The following EPB41L4A variants were observed in gnomAD, a reference collection of about 807,000 sequenced individuals.
EPB41L4A encodes erythrocyte membrane protein band 4.1 like 4A.
A neutral mutation model predicts 108.6 loss-of-function variants in EPB41L4A; 100 were observed. The ratio of observed to expected loss-of-function variants is 0.92; its 90% CI spans 0.78 to 1.09. EPB41L4A has a LOEUF of 1.09. Among genes scored for constraint, EPB41L4A ranks in the 50% least tolerant of loss-of-function variants. The probability of loss-of-function intolerance (pLI) is 0.00; values close to 1 mark genes in which losing one functional copy is unlikely to be tolerated. For synonymous variants in EPB41L4A, 319 were observed against 289.0 expected (o/e 1.10, Z -1.05); for missense variants, 1,030 against 842.7 (o/e 1.22, Z -2.75).
chr5:112,358,700 C>G (rs1288290487), intron 1 of EPB41L4A, among the ~76,000 whole-genome samples: 2 of 152,196 alleles, frequency 1.3e-5, no homozygotes, highest in Non-Finnish European at 2.9e-5. Context: ...AATTCCACTT[C>G]TAGGTATACA....
chr5:112,372,188 G>A (rs1169081379), intron 1 of EPB41L4A, among the ~76,000 whole-genome samples: 13 of 152,194 alleles, frequency 8.5e-5, no homozygotes, highest in Non-Finnish European at 1.5e-5. Context: ...GCATGGCTAG[G>A]AAGCCCTCAG....
At chr5:112,202,957 A>G (rs1762288151) in intron 15 of EPB41L4A, among the ~76,000 whole-genome samples, 1 of 151,848 alleles carries the variant, frequency 6.6e-6, no homozygotes. Context: ...AATCCCAGCA[A>G]TTTGGGAGAC....
chr5:112,247,239 C>T (rs1750305266), intron 9 of EPB41L4A, among the ~76,000 whole-genome samples: 1 of 152,078 alleles, frequency 6.6e-6, no homozygotes, highest in African/African-American at 2.4e-5. Flanking sequence ...TCCCCAGAGG[C>T]AATCACTACT....
At chr5:112,254,368 C>T (rs1446875401) in intron 9 of EPB41L4A, among the ~76,000 whole-genome samples, 1 of 152,148 alleles carries the variant, frequency 6.6e-6, no homozygotes, top group Non-Finnish European at 1.5e-5. Context: ...AGTGAGTCCC[C>T]TCTTGTCTCC....
chr5:112,299,830 T>C (rs529538553), intron 2 of EPB41L4A, among the ~76,000 whole-genome samples: 1 of 152,322 alleles, frequency 6.6e-6, no homozygotes, highest in African/African-American at 2.4e-5. Flanking sequence ...TTTTACAAAT[T>C]TGGGAACTCC....
At chr5:112,269,750 G>A (rs1178707747) in intron 4 of EPB41L4A, among the ~76,000 whole-genome samples, 3 of 152,158 alleles carry the variant, frequency 2.0e-5, no homozygotes, top group East Asian at 1.9e-4. Flanking sequence ...GGGGAAAAAT[G>A]CTAACTAAAA....
chr5:112,393,700 A>T (rs897041043), intron 1 of EPB41L4A, among the ~76,000 whole-genome samples: 2 of 152,232 alleles, frequency 1.3e-5, no homozygotes, highest in Non-Finnish European at 2.9e-5. Flanking sequence ...AAACTATTCC[A>T]ATCAATAGAA....
intron 1 of EPB41L4A, among the ~76,000 whole-genome samples, chr5:112,415,398 C>T (rs57566126): frequency 6.6e-6 from 1 of 152,082 alleles, no homozygotes; most frequent in African/African-American, 2.4e-5. Flanking sequence ...TTAGTCAATA[C>T]TCATAGGGAA....
At chr5:112,199,012 G>A (rs1762095458) in intron 15 of EPB41L4A, among the ~76,000 whole-genome samples, 1 of 152,106 alleles carries the variant, frequency 6.6e-6, no homozygotes, top group South Asian at 2.1e-4. Flanking sequence ...TCCTATTCAA[G>A]CAGTAAGTGT....
intron 2 of EPB41L4A, among the ~76,000 whole-genome samples, chr5:112,296,971 A>G (rs1037300771): frequency 2.7e-5 from 4 of 145,580 alleles, no homozygotes; most frequent in African/African-American, 8.0e-5. Context: ...GTATTCCATC[A>G]CATACATATA....
intron 17 of EPB41L4A, among the ~76,000 whole-genome samples, chr5:112,190,702 A>G (rs1279203371): frequency 1.3e-5 from 2 of 152,166 alleles, no homozygotes; most frequent in African/African-American, 2.4e-5. Flanking sequence ...TTGTTATAGC[A>G]TACCTCCCCC....
At chr5:112,338,763 T>TAA (rs1384267871) in intron 1 of EPB41L4A, among the ~76,000 whole-genome samples, 2 of 152,230 alleles carry the variant, frequency 1.3e-5, no homozygotes, top group African/African-American at 4.8e-5. Context: ...AGTCACTGCC[T>TAA]AAGCATTTAT....
chr5:112,329,243 G>A lies in EPB41L4A; in HGVS notation c.100-21753C>T, dbSNP rs185012164. On this transcript the variant is annotated intron_variant, in intron 1 of 22. Coordinates refer to ENST00000261486, the MANE Select transcript of EPB41L4A (RefSeq NM_022140.5). ...TTAGATATATTGAATTAAATAAAAC[G>A]TTATTAAAATCATCCTTTTTACTTT... 5.7e-4 allele frequency among the ~76,000 whole-genome samples: 86 copies of A among 152,140 alleles called. No homozygotes were observed. In the South Asian group the frequency reaches 0.015, roughly 26 times the overall value.
At chr5:112,401,265 C>G (rs1761731853) in intron 1 of EPB41L4A, among the ~76,000 whole-genome samples, 1 of 152,164 alleles carries the variant, frequency 6.6e-6, no homozygotes, top group Non-Finnish European at 1.5e-5. Flanking sequence ...CTAGCCACAT[C>G]CAGCAGACCT....
intron 2 of EPB41L4A, among the ~76,000 whole-genome samples, chr5:112,293,632 T>C (rs1753801297): frequency 6.6e-6 from 1 of 152,150 alleles, no homozygotes; most frequent in Admixed American, 6.5e-5. Flanking sequence ...CGTTTTTGAG[T>C]CCGTGTCAAA....
rs925293649 is a variant in EPB41L4A, at chr5:112,164,846, AAAG to A, written c.*141_*143del. 27 of 979,010 alleles carry A rather than the reference AAAG, an allele frequency of 2.8e-5. No homozygotes were observed. Among genetic ancestry groups the A allele is most frequent in the African/African-American group, 5.1e-5 (3 of 59,204 alleles). 60.6% of individuals were successfully genotyped at this position (979,010 alleles called of 1,614,324 possible). A position where few individuals can be genotyped will look rare whatever the true frequency, so the allele number is the denominator to read the frequency against. On this transcript the variant is annotated 3_prime_UTR_variant, in exon 23 of 23. Transcript: ENST00000261486. ...GATAACATCTCAAAAAAAAAAAAAAAAAGAAGCAAAAGATAATGTATTTTCTCA... is the reference window on the plus strand; with the variant it reads ...GATAACATCTCAAAAAAAAAAAAAAAAAGCAAAAGATAATGTATTTTCTCA...
chr5:112,335,097 C>T (rs1756832807), intron 1 of EPB41L4A, among the ~76,000 whole-genome samples: 1 of 152,148 alleles, frequency 6.6e-6, no homozygotes, highest in African/African-American at 2.4e-5. Context: ...CCTGGCTTTG[C>T]ACTGATTGGG....
chr5:112,352,509 T>A (rs759169292), intron 1 of EPB41L4A, among the ~76,000 whole-genome samples: 2 of 152,248 alleles, frequency 1.3e-5, no homozygotes, highest in Non-Finnish European at 2.9e-5. Flanking sequence ...TTGTTGGGAC[T>A]TCTTTTGTTC....
intron 12 of EPB41L4A, among the ~76,000 whole-genome samples, chr5:112,218,764 T>A (rs1470955279): frequency 1.3e-5 from 2 of 152,220 alleles, no homozygotes; most frequent in Admixed American, 6.5e-5. Context: ...TGCTTCCACG[T>A]TTGAGCTCAT....
Sources: gnomAD v4.1 joint callset for allele counts (sites outside exome capture counted in the v4.1 genomes callset) on GRCh38, gnomAD v4.1.1 for gene constraint, MANE v1.5 for transcripts, NCBI Gene and HGNC (gene_info 2026-07-23, HGNC 2026-07-21) for gene names.